Variants in ERMARD observed in about 807,000 individuals in gnomAD.
The protein encoded by ERMARD is endoplasmic reticulum membrane-associated RNA degradation protein.
ERMARD carries 71 observed loss-of-function variants against 83.9 expected under a neutral mutation model. The observed-to-expected ratio is 0.85, with a 90% CI of 0.70 to 1.03. The LOEUF (loss-of-function observed/expected upper bound fraction) is 1.03, where lower values mean the gene tolerates loss of function less well. ERMARD is among the 50% of genes least tolerant of loss of function. The pLI, the probability that ERMARD is intolerant of heterozygous loss-of-function variation, is 0.00. For synonymous variants in ERMARD, 284 were observed against 298.6 expected, an observed-to-expected ratio of 0.95 and a Z score of 0.50; for missense variants, 838 against 810.9, an observed-to-expected ratio of 1.03 and a Z score of -0.41.
intron 9 of ERMARD, 99 bp downstream of exon 9, chr6:169,762,630 T>A: frequency 2.1e-6 from 2 of 975,104 alleles, no homozygotes; most frequent in Non-Finnish European, 3.1e-6. Context: ...TGTTTCACAT[T>A]AAAATGATTT....
At chr6:169,771,509 A>G (rs1297254177) in intron 12 of ERMARD, 1 of 152,232 alleles carries the variant, frequency 6.6e-6, no homozygotes, top group East Asian at 1.9e-4. Context: ...GTAAACTTGG[A>G]CAAACATACA....
At chr6:169,765,519 C>CTAA (rs1792087574) in intron 9 of ERMARD, among the ~76,000 whole-genome samples, 1 of 152,096 alleles carries the variant, frequency 6.6e-6, no homozygotes, top group Non-Finnish European at 1.5e-5. Context: ...AAAGTAGAAG[C>CTAA]TAATGTGTGT....
intron 2 of ERMARD, 131 bp from the exon 3 acceptor site, chr6:169,755,152 T>G: frequency 9.4e-7 from 1 of 1,060,310 alleles, no homozygotes; most frequent in Non-Finnish European, 1.4e-6. Flanking sequence ...ATATCATATG[T>G]TCAATGGTAA....
chr6:169,761,320 AG>A (rs1791526027), intron 8 of ERMARD, among the ~76,000 whole-genome samples: 2 of 152,072 alleles, frequency 1.3e-5, no homozygotes, highest in South Asian at 4.1e-4. Flanking sequence ...GGGCTCAAGC[AG>A]TCCTCCCACC....
intron 7 of ERMARD, among the ~76,000 whole-genome samples, 170 bp downstream of exon 7, chr6:169,760,144 C>T (rs1791353432): frequency 7.0e-6 from 1 of 143,420 alleles, no homozygotes. Context: ...CACCCAAAGC[C>T]CTGCCTCCTC....
At chr6:169,767,798 A>T in intron 10 of ERMARD, 1 of 377,990 alleles carries the variant, frequency 2.6e-6, no homozygotes, top group Non-Finnish European at 4.9e-6. Flanking sequence ...GTTGCATATA[A>T]ACACACAAAT....
chr6:169,773,288 A>G (rs1309832254), intron 12 of ERMARD, 31 bp from the exon 13 acceptor site: 4 of 1,604,864 alleles, frequency 2.5e-6, no homozygotes, highest in African/African-American at 1.3e-5. Flanking sequence ...CCACCCAAAC[A>G]TGATAGTAAC....
intron 2 of ERMARD, 57 bp downstream of exon 2, chr6:169,754,089 A>G (rs1464357425): frequency 2.7e-6 from 4 of 1,504,200 alleles, no homozygotes; most frequent in South Asian, 2.7e-5. Flanking sequence ...AAATGTCTTG[A>G]CCTGTAAAAT....
upstream of ERMARD, chr6:169,751,490 C>T: frequency 6.2e-7 from 1 of 1,611,968 alleles, no homozygotes; most frequent in Non-Finnish European, 8.5e-7. Flanking sequence ...CCCACCGCCT[C>T]CCCTTCACCG....
In ERMARD at chr6:169,757,048, T is replaced by TA. The variant is rs369883629; in HGVS notation, c.507+241dup. 2.8e-3 allele frequency among the ~76,000 whole-genome samples: 419 copies of TA among 152,246 alleles called. 2 individuals carry two copies. The highest frequency in any genetic ancestry group is 5.0e-3 in the Non-Finnish European group (339 of 68,012). On this transcript the variant is annotated intron_variant, in intron 5 of 17. Coordinates refer to ENST00000366773, the MANE Select transcript of ERMARD (RefSeq NM_018341.3). ...TAAACCCATCAGATCTCATGAGACT[T>TA]ATTCACTATCATGAGAATAGCACGG... is the stretch of plus-strand genomic sequence containing the variant.
At chr6:169,775,677 C>A (rs1168868568) in intron 14 of ERMARD, among the ~76,000 whole-genome samples, 1 of 152,206 alleles carries the variant, frequency 6.6e-6, no homozygotes, top group African/African-American at 2.4e-5. Flanking sequence ...ATTCTGGAAT[C>A]GTAAACAACA....
chr6:169,776,398 A>C (rs1473043647), intron 15 of ERMARD, 57 bp from the exon 16 acceptor site: 12 of 1,578,622 alleles, frequency 7.6e-6, no homozygotes, highest in African/African-American at 2.7e-5. Context: ...GTGCAGAAGG[A>C]GAGTGAGGCC....
chr6:169,774,446 G>A (rs1402930392), intron 13 of ERMARD, among the ~76,000 whole-genome samples: 3 of 152,164 alleles, frequency 2.0e-5, no homozygotes, highest in Non-Finnish European at 4.4e-5. Flanking sequence ...TAGGGAGGAG[G>A]GAAGATTTAG....
chr6:169,765,031 A>C (rs1792027856), intron 9 of ERMARD, among the ~76,000 whole-genome samples: 1 of 152,220 alleles, frequency 6.6e-6, no homozygotes, highest in African/African-American at 2.4e-5. Flanking sequence ...GCCCATGCCC[A>C]GTGCCTTCCA....
At chr6:169,754,904 G>C (rs1267321058) in intron 2 of ERMARD, among the ~76,000 whole-genome samples, 1 of 151,800 alleles carries the variant, frequency 6.6e-6, no homozygotes, top group Non-Finnish European at 1.5e-5. Flanking sequence ...AAAAAAATCA[G>C]GTTACAAAAT....
At chr6:169,755,650 A>G in intron 3 of ERMARD, 1 of 502,956 alleles carries the variant, frequency 2.0e-6, no homozygotes, top group African/African-American at 1.9e-5. Context: ...TCACAGGATT[A>G]GGGGTTGGAG....
Position 169,759,016 on chromosome 6 carries a change from C to T in ERMARD, c.556C>T (p.Arg186Cys), listed in dbSNP as rs1330438411. ...TGGCTCTCCGTGTGGTCTCAACCTG[C>T]GTAACGTCTTATGGCATGGGTTTGC... ...FVGSPCGLNL[R>C]NVLWHGFASP... is the part of the protein sequence containing the mutation. Residue 186 changes from arginine (R) to cysteine (C), a missense_variant, in exon 6 of 18, where the codon CGT becomes TGT. Arg to Cys is a radical substitution (Grantham distance 180). Coordinates refer to ENST00000366773, the MANE Select transcript of ERMARD (RefSeq NM_018341.3). The T allele has an allele frequency of 1.4e-5, 22 of 1,613,938 alleles. No individual in the cohort carries two copies. In the East Asian group the frequency reaches 1.8e-4, roughly 13 times the overall value.
In ERMARD at chr6:169,773,202, T is replaced by C. The variant is rs1793180804; in HGVS notation, c.1234-117T>C. 2.6e-5 allele frequency: 21 copies of C among 798,114 alleles called. 2 individuals carry two copies. The South Asian group carries it at 3.2e-4, about 12-fold the overall frequency. The allele number at this position is 798,114 out of a possible 1,614,324, so 49.4% of individuals were successfully genotyped here. A position where few individuals can be genotyped will look rare whatever the true frequency, so the allele number is the denominator to read the frequency against. On this transcript the variant is annotated intron_variant, in intron 12 of 17. Coordinates refer to ENST00000366773, the MANE Select transcript of ERMARD (RefSeq NM_018341.3). ...TGAAGCACTTGCTTTTCTAGCTGCA[T>C]AGAATTATTTGAAGAAAGATAATGA...
At position 169,776,585 on chromosome 6, in the gene ERMARD, A is replaced by T; in HGVS notation, c.1651A>T (p.Thr551Ser). 6.2e-7 allele frequency: 1 copy of T among 1,614,246 alleles called. No homozygotes were observed. The highest frequency in any genetic ancestry group is 8.5e-7 in the Non-Finnish European group (1 of 1,180,050). Residue 551 changes from threonine to serine, a missense_variant, in exon 16 of 18, where the codon ACC (threonine) becomes TCC (serine). By Grantham distance (58) the Thr-to-Ser change is moderately conservative. Coordinates refer to ENST00000366773, the MANE Select transcript of ERMARD (RefSeq NM_018341.3). ...GTGCCGCCGTGTGTCCAGCCAGGTC[A>T]CCGTTGCCTCAGAGCTGAGACACAG... The part of the protein sequence containing the change: ...EQCRRVSSQV[T>S]VASELRHRQW...
Sources: gnomAD v4.1 joint callset for allele counts (sites outside exome capture counted in the v4.1 genomes callset) on GRCh38, gnomAD v4.1.1 for gene constraint, MANE v1.5 for transcripts, NCBI Gene and HGNC (gene_info 2026-07-23, HGNC 2026-07-21) for gene names.